Variants in OR5K1 observed in about 807,000 individuals in gnomAD.
OR5K1 encodes the protein olfactory receptor family 5 subfamily K member 1.
Under a neutral mutation model 10.4 loss-of-function variants are expected in OR5K1, and 7 were observed. The ratio of observed to expected loss-of-function variants is 0.67; its 90% CI spans 0.38 to 1.26. OR5K1 has a LOEUF of 1.26. Ranked by LOEUF, OR5K1 falls within the 50% of genes most tolerant of loss-of-function variation. OR5K1 has a pLI of 0.02. For synonymous variants in OR5K1, 135 were observed against 128.5 expected (o/e 1.05, Z -0.34); for missense variants, 435 against 366.2 (o/e 1.19, Z -1.53).
chr3:98,470,128 G>T lies in OR5K1; in HGVS notation c.552G>T (p.Leu184Phe), dbSNP rs1483780626. Residue 184 changes from leucine to phenylalanine, a missense_variant, in exon 2 of 2, where the codon TTG (leucine) becomes TTT (phenylalanine). Leu to Phe is a conservative substitution (Grantham distance 22). Transcript: ENST00000642057. The part of the protein sequence containing the change: ...INHFYCDILP[L>F]YRLSCVDPYI... ...ACTTTTACTGTGATATTCTTCCCTT[G>T]TATAGACTCTCTTGTGTTGATCCTT... The T allele has an allele frequency of 6.2e-7, 1 of 1,613,412 alleles. No individual in the cohort carries two copies. Among genetic ancestry groups the T allele is most frequent in the East Asian group, 2.2e-5 (1 of 44,868 alleles).
At chr3:98,463,337 T>C (rs1705334441) in intron 1 of OR5K1, 30 bp downstream of exon 1, 1 of 152,232 alleles carries the variant, frequency 6.6e-6, no homozygotes, top group South Asian at 2.1e-4. Context: ...TTATTTTTGC[T>C]AGAAATATTA....
rs1395184697 is a variant in OR5K1 at position 98,471,154 on chromosome 3, T to G, written c.*651T>G. ...CAGAATGTCAATTTTCAAGTCAAGC[T>G]ACATTAAGAGAGTTTTATCTACTCC... On this transcript the variant is annotated 3_prime_UTR_variant, in exon 2 of 2. Transcript: ENST00000642057. The G allele has an allele frequency of 6.6e-6, 1 of 152,080 alleles. No homozygotes were observed. The highest frequency in any genetic ancestry group is 1.9e-4 in the East Asian group (1 of 5,180). The allele number at this position is 152,080 out of a possible 1,614,324, so 9.4% of individuals were successfully genotyped here. A position where few individuals can be genotyped will look rare whatever the true frequency, so the allele number is the denominator to read the frequency against.
rs1002176442 is a variant in OR5K1, at chr3:98,471,060, C to T, written c.*557C>T. 8 of 151,910 alleles carry T rather than the reference C, an allele frequency of 5.3e-5. No homozygotes were observed. The highest frequency in any genetic ancestry group is 1.9e-4 in the African/African-American group (8 of 41,388). The allele number at this position is 151,910 out of a possible 1,614,324, so 9.4% of individuals were successfully genotyped here. ...AGTTAGAAAGGAAGTATTAGGAAAA[C>T]GAAGGTGTCAAATAATAGTGAATAT... On this transcript the variant is annotated 3_prime_UTR_variant, in exon 2 of 2. Transcript: ENST00000642057.
At chr3:98,465,987 C>A (rs868331572) in intron 1 of OR5K1, among the ~76,000 whole-genome samples, 2 of 151,138 alleles carry the variant, frequency 1.3e-5, no homozygotes, top group Non-Finnish European at 3.0e-5. Flanking sequence ...CATGCTGGTG[C>A]GCTGCACCCA....
chr3:98,467,373 G>T (rs1394942565), intron 1 of OR5K1, among the ~76,000 whole-genome samples: 1 of 23,786 alleles, frequency 4.2e-5, no homozygotes, highest in Non-Finnish European at 7.0e-5. Flanking sequence ...GGATTGACTT[G>T]GCGATGCGGG....
At chr3:98,466,832 T>C (rs1342120231) in intron 1 of OR5K1, among the ~76,000 whole-genome samples, 2 of 129,548 alleles carry the variant, frequency 1.5e-5, no homozygotes, top group Non-Finnish European at 3.1e-5. Context: ...GCGAAAATTT[T>C]CTCCCATTTT....
At chr3:98,469,469 A>G (rs1386175227) in intron 1 of OR5K1, 97 bp from the exon 2 acceptor site, 9 of 1,161,402 alleles carry the variant, frequency 7.7e-6, no homozygotes, top group Non-Finnish European at 9.7e-6. Context: ...ATGAGGAAAC[A>G]TTGTGGAAGA....
At position 98,463,286 on chromosome 3, in the gene OR5K1, ACT is replaced by A. The variant is rs1705334142; in HGVS notation, c.-30_-29del. 6.6e-6 allele frequency: 1 copy of A among 152,022 alleles called. No homozygotes were observed. The allele number at this position is 152,022 out of a possible 1,614,324, so 9.4% of individuals were successfully genotyped here. A position where few individuals can be genotyped will look rare whatever the true frequency, so the allele number is the denominator to read the frequency against. On this transcript the variant is annotated 5_prime_UTR_variant, in exon 1 of 2. Transcript: ENST00000642057. ...CAGGCAACCTACTGGCCCCTTTAAA[ACT>A]CTTACCAGGGAAAATTCAGGTGAGA...
At chr3:98,465,758 T>TA (rs1705365301) in intron 1 of OR5K1, among the ~76,000 whole-genome samples, 2 of 152,100 alleles carry the variant, frequency 1.3e-5, no homozygotes, top group African/African-American at 4.8e-5. Context: ...ACCTATTTTC[T>TA]AGTGATTATT....
At chr3:98,464,721 A>T (rs1006229937) in intron 1 of OR5K1, among the ~76,000 whole-genome samples, 1 of 152,230 alleles carries the variant, frequency 6.6e-6, no homozygotes, top group Non-Finnish European at 1.5e-5. Context: ...TGAAAGAGTA[A>T]AAGTTGACAC....
rs1192420205 is a variant in OR5K1 at position 98,470,348 on chromosome 3, A to G, written c.772A>G (p.Met258Val). 1 of 1,613,116 alleles carries G rather than the reference A, an allele frequency of 6.2e-7. No homozygotes were observed. The highest frequency in any genetic ancestry group is 1.3e-5 in the African/African-American group (1 of 74,854). Residue 258 changes from methionine (M) to valine (V), a missense_variant, in exon 2 of 2, where the codon ATG becomes GTG. By Grantham distance (21) the Met-to-Val change is conservative. Coordinates refer to ENST00000642057, the MANE Select transcript of OR5K1 (RefSeq NM_001004736.4). ...ATTATTCTATGGATCTCTTTTCTTC[A>G]TGTACGTTAGACCAAATTTGCTTGA... ...VSLFYGSLFF[M>V]YVRPNLLEEG...
chr3:98,466,106 A>T (rs369005757), intron 1 of OR5K1, among the ~76,000 whole-genome samples: 2 of 150,404 alleles, frequency 1.3e-5, no homozygotes, highest in Admixed American at 6.7e-5. Flanking sequence ...TGTCCATGTG[A>T]TCTCATTGTT....
At chr3:98,468,775 AC>A (rs1705404408) in intron 1 of OR5K1, among the ~76,000 whole-genome samples, 1 of 152,140 alleles carries the variant, frequency 6.6e-6, no homozygotes, top group South Asian at 2.1e-4. Context: ...GCTGCTATTA[AC>A]ATTGGCATAT....
rs1227770400 is a variant in OR5K1 at position 98,469,584 on chromosome 3, A to C, written c.8A>C (p.Glu3Ala). ...TTTTCAGACAAGTCAGGAATGGCTG[A>C]AGAAAATCATACCATGAAAAATGAG... MA[E>A]ENHTMKNEFI... Residue 3 changes from glutamate (E) to alanine (A), a missense_variant, in exon 2 of 2, where the codon GAA becomes GCA. Coordinates refer to ENST00000642057, the MANE Select transcript of OR5K1 (RefSeq NM_001004736.4). 1.2e-6 allele frequency: 2 copies of C among 1,607,840 alleles called. No homozygotes were observed.
In OR5K1 at chr3:98,470,311, T is replaced by C; in HGVS notation, c.735T>C (p.Phe245=). The change falls in exon 2 of 2, where the codon TTT becomes TTC. Residue 245 remains phenylalanine, a synonymous_variant. Transcript: ENST00000642057. The part of the protein sequence containing the change: ...AKAFSTCASH[F]LSVSLFYGSL... Reference sequence around the variant, plus strand: ...CTTTTTCTACCTGTGCATCCCACTTTTTGTCAGTTTCATTATTCTATGGAT... The same window carrying C: ...CTTTTTCTACCTGTGCATCCCACTTCTTGTCAGTTTCATTATTCTATGGAT... 6.2e-7 allele frequency: 1 copy of C among 1,613,364 alleles called. No individual in the cohort carries two copies. Among genetic ancestry groups the C allele is most frequent in the South Asian group, 1.1e-5 (1 of 91,046 alleles).
Position 98,472,760 on chromosome 3 carries a change from A to C in OR5K1, c.*2257A>C, listed in dbSNP as rs982816027. The stretch of plus-strand genomic sequence containing the variant: ...TGGCCTCCTTTTCTTATATCAAAAA[A>C]TGTGAACTGCCCTGGTTACTGTCTG... On this transcript the variant is annotated 3_prime_UTR_variant, in exon 2 of 2. Coordinates refer to ENST00000642057, the MANE Select transcript of OR5K1 (RefSeq NM_001004736.4). The C allele has an allele frequency of 1.3e-5, 2 of 151,990 alleles. No homozygotes were observed. Among genetic ancestry groups the C allele is most frequent in the African/African-American group, 2.4e-5 (1 of 41,440 alleles). The allele number at this position is 151,990 out of a possible 1,614,324, so 9.4% of individuals were successfully genotyped here.
intron 1 of OR5K1, among the ~76,000 whole-genome samples, chr3:98,469,273 G>A (rs1263719089): frequency 6.6e-6 from 1 of 152,040 alleles, no homozygotes; most frequent in Non-Finnish European, 1.5e-5. Context: ...CAGACAGTGG[G>A]GCCTACTTGA....
chr3:98,465,894 T>TC (rs1395463547), intron 1 of OR5K1, among the ~76,000 whole-genome samples: 60 of 151,890 alleles, frequency 4.0e-4, no homozygotes, highest in African/African-American at 1.4e-3. Flanking sequence ...TTTGTCTTTT[T>TC]TTTTTAATTT....
intron 1 of OR5K1, among the ~76,000 whole-genome samples, chr3:98,465,165 G>C (rs1055600447): frequency 6.6e-6 from 1 of 152,052 alleles, no homozygotes; most frequent in African/African-American, 2.4e-5. Context: ...TTGATGTATT[G>C]TCATGCTACT....
Sources: allele counts gnomAD v4.1 joint callset (sites outside exome capture counted in the v4.1 genomes callset), GRCh38; gene constraint gnomAD v4.1.1; transcripts MANE v1.5; gene names NCBI Gene and HGNC (gene_info 2026-07-23, HGNC 2026-07-21).